Variants in RPS6KC1 observed in about 807,000 individuals in gnomAD.
RPS6KC1 encodes inactive ribosomal protein S6 kinase delta-1.
A neutral mutation model predicts 103.8 loss-of-function variants in RPS6KC1; 54 were observed. The ratio of observed to expected loss-of-function variants is 0.52; its 90% confidence interval spans 0.42 to 0.65. The LOEUF is 0.65. Ranked by LOEUF, RPS6KC1 falls within the 30% of genes least tolerant of loss-of-function variation. The pLI is 0.00. For missense variants in RPS6KC1, 1,151 were observed against 1,253.8 expected, an observed-to-expected ratio of 0.92 and a Z score of 1.24; for synonymous variants, 439 against 438.7, an observed-to-expected ratio of 1.00 and a Z score of -0.01.
At chr1:213,262,500 C>T (rs2094820553) in intron 13 of RPS6KC1, among the ~76,000 whole-genome samples, 1 of 152,158 alleles carries the variant, frequency 6.6e-6, no homozygotes, top group Non-Finnish European at 1.5e-5. Context: ...GGGACAGTAG[C>T]ATAAGCTTAT....
chr1:213,052,365 C>G (rs1324980916), intron 1 of RPS6KC1, among the ~76,000 whole-genome samples: 2 of 152,068 alleles, frequency 1.3e-5, no homozygotes, highest in South Asian at 2.1e-4. Flanking sequence ...AGTAACTTGC[C>G]CAACTTTACA....
chr1:213,697,026 C>G, the RPS6KC1 span, among the ~76,000 whole-genome samples: 2 of 152,196 alleles, frequency 1.3e-5, no homozygotes, highest in Non-Finnish European at 2.9e-5. Context: ...TCCCTGCGCC[C>G]CCTCCTCAGG....
At chr1:213,191,310 A>G (rs545598536) in intron 8 of RPS6KC1, among the ~76,000 whole-genome samples, 19 of 152,086 alleles carry the variant, frequency 1.2e-4, no homozygotes, top group African/African-American at 4.1e-4. Context: ...TGTGTCTTCA[A>G]TTTTCTTGCA....
intron 1 of RPS6KC1, among the ~76,000 whole-genome samples, chr1:213,052,147 T>C (rs909045012): frequency 3.3e-5 from 5 of 152,234 alleles, no homozygotes; most frequent in Non-Finnish European, 5.9e-5. Flanking sequence ...GGTCCAATTT[T>C]TAGTACCCAC....
At chr1:213,404,771 C>T in the RPS6KC1 span, among the ~76,000 whole-genome samples, 6 of 152,232 alleles carry the variant, frequency 3.9e-5, no homozygotes, top group Admixed American at 6.5e-5. Flanking sequence ...ATGGCACCCA[C>T]GGCCTCCCAT....
chr1:213,129,628 A>G lies in RPS6KC1; in HGVS notation c.574A>G (p.Thr192Ala), dbSNP rs1286455391. The G allele has an allele frequency of 6.2e-7, 1 of 1,613,982 alleles. No individual in the cohort carries two copies. Residue 192 changes from threonine to alanine, a missense_variant, in exon 6 of 15, where the codon ACT becomes GCT. By Grantham distance (58) the Thr-to-Ala change is moderately conservative (BLOSUM62 0). Coordinates refer to ENST00000366960, the MANE Select transcript of RPS6KC1 (RefSeq NM_012424.6). ...MASNQNSPIRTFGLNLSSDSS... is the reference protein window; with the variant it reads ...MASNQNSPIRAFGLNLSSDSS... The stretch of plus-strand genomic sequence containing the variant: ...TTCCAATCAAAATTCTCCCATTAGA[A>G]CTTTTGGTCTCAATCTTTCTTCGGA...
the RPS6KC1 span, among the ~76,000 whole-genome samples, chr1:213,780,670 C>A: frequency 6.6e-6 from 1 of 152,066 alleles, no homozygotes; most frequent in Non-Finnish European, 1.5e-5. Context: ...AGAAGAAGGC[C>A]CTAGTTGAAA....
the RPS6KC1 span, among the ~76,000 whole-genome samples, chr1:213,675,511 C>T: frequency 2.0e-5 from 3 of 152,232 alleles, no homozygotes; most frequent in Non-Finnish European, 4.4e-5. Flanking sequence ...ATCCCAGCCC[C>T]ATTGCTTATT....
At chr1:213,723,706 A>G in the RPS6KC1 span, among the ~76,000 whole-genome samples, 1 of 152,262 alleles carries the variant, frequency 6.6e-6, no homozygotes, top group Non-Finnish European at 1.5e-5. Flanking sequence ...ATTTCACTCA[A>G]TGGAATTTTA....
chr1:213,690,509 C>G, the RPS6KC1 span, among the ~76,000 whole-genome samples: 1 of 152,168 alleles, frequency 6.6e-6, no homozygotes, highest in African/African-American at 2.4e-5. Flanking sequence ...ACCAAGTTTA[C>G]TGACTGGCCA....
chr1:213,765,835 A>T, the RPS6KC1 span, among the ~76,000 whole-genome samples: 34 of 152,316 alleles, frequency 2.2e-4, no homozygotes, highest in South Asian at 5.6e-3. Context: ...CTATAAAAAA[A>T]TTTTTATAAT....
chr1:213,657,691 GA>G, the RPS6KC1 span, among the ~76,000 whole-genome samples: 1 of 152,152 alleles, frequency 6.6e-6, no homozygotes, highest in Non-Finnish European at 1.5e-5. Flanking sequence ...TAAGAAATAA[GA>G]ATTTGAAAAA....
chr1:213,064,936 A>T (rs571140913), intron 1 of RPS6KC1, among the ~76,000 whole-genome samples: 61 of 148,514 alleles, frequency 4.1e-4, no homozygotes, highest in Non-Finnish European at 8.3e-4. Flanking sequence ...CGGCCTCCCA[A>T]AGTGCTGGGA....
chr1:213,082,595 G>T (rs1474794208), intron 3 of RPS6KC1, among the ~76,000 whole-genome samples: 2 of 152,222 alleles, frequency 1.3e-5, no homozygotes, highest in Non-Finnish European at 2.9e-5. Context: ...GTTGCCTACA[G>T]TTATGTGGAA....
At chr1:213,440,185 T>G in the RPS6KC1 span, among the ~76,000 whole-genome samples, 1 of 152,024 alleles carries the variant, frequency 6.6e-6, no homozygotes, top group Non-Finnish European at 1.5e-5. Context: ...CCATCATCCT[T>G]CCCCAACTCC....
At chr1:213,175,480 G>A (rs970695097) in intron 7 of RPS6KC1, among the ~76,000 whole-genome samples, 2 of 152,164 alleles carry the variant, frequency 1.3e-5, no homozygotes, top group African/African-American at 4.8e-5. Flanking sequence ...TGTGTCTCCT[G>A]TTGTCCTTTG....
the RPS6KC1 span, among the ~76,000 whole-genome samples, chr1:213,577,055 C>A: frequency 6.6e-6 from 1 of 152,150 alleles, no homozygotes; most frequent in Non-Finnish European, 1.5e-5. Flanking sequence ...TTGGCTGTAT[C>A]CCCACCCAAA....
the RPS6KC1 span, among the ~76,000 whole-genome samples, chr1:213,857,266 G>A: frequency 2.0e-5 from 3 of 152,184 alleles, no homozygotes; most frequent in Non-Finnish European, 2.9e-5. Flanking sequence ...CTGCCATTTT[G>A]AGCATCTAGG....
At chr1:213,156,630 GA>G (rs2089919155) in intron 6 of RPS6KC1, among the ~76,000 whole-genome samples, 1 of 152,176 alleles carries the variant, frequency 6.6e-6, no homozygotes, top group South Asian at 2.1e-4. Flanking sequence ...ACAAAGATAT[GA>G]ATGTCATCAG....
Sources: allele counts gnomAD v4.1 joint callset (sites outside exome capture counted in the v4.1 genomes callset), GRCh38; gene constraint gnomAD v4.1.1; transcripts MANE v1.5; gene names NCBI Gene and HGNC (gene_info 2026-07-23, HGNC 2026-07-21).